Variants in MMP26 observed in about 807,000 individuals in gnomAD.
MMP26 encodes the protein matrix metallopeptidase 26, also known as matrix metalloproteinase-26.
Under a neutral mutation model 31.0 loss-of-function variants are expected in MMP26, and 33 were observed. The observed-to-expected ratio is 1.06, with a 90% CI of 0.81 to 1.42. The LOEUF is 1.42. Among genes scored for constraint, MMP26 ranks in the 40% most tolerant of loss-of-function variants. MMP26 has a pLI of 0.00. For synonymous variants in MMP26, 122 were observed against 114.9 expected, an observed-to-expected ratio of 1.06 and a Z score of -0.40; for missense variants, 347 against 316.1, an observed-to-expected ratio of 1.10 and a Z score of -0.74.
intron 2 of MMP26, chr11:4,768,840 A>G (rs1030727): frequency 0.13 from 63,860 of 488,006 alleles, 6,673 homozygotes; most frequent in African/African-American, 0.39. Context: ...ATGACCAAAT[A>G]TACAACATAT....
intron 2 of MMP26, among the ~76,000 whole-genome samples, chr11:4,952,034 T>TA (rs1192343233): frequency 8.0e-6 from 1 of 124,662 alleles, no homozygotes; most frequent in Admixed American, 9.0e-5. Flanking sequence ...TGTCTGCTGT[T>TA]ATGATATTTT....
At chr11:4,808,000 C>G (rs537469122) in intron 2 of MMP26, among the ~76,000 whole-genome samples, 4 of 152,128 alleles carry the variant, frequency 2.6e-5, no homozygotes, top group African/African-American at 9.6e-5. Flanking sequence ...GAGACAGGGT[C>G]TCACTATGTT....
At chr11:4,948,465 T>G (rs1306249682) in intron 2 of MMP26, among the ~76,000 whole-genome samples, 1 of 124,102 alleles carries the variant, frequency 8.1e-6, no homozygotes, top group Non-Finnish European at 1.8e-5. Flanking sequence ...TACTGATAAT[T>G]AAGTATATAG....
At chr11:4,737,823 A>G (rs1848262091) in intron 1 of MMP26, among the ~76,000 whole-genome samples, 1 of 152,218 alleles carries the variant, frequency 6.6e-6, no homozygotes, top group East Asian at 1.9e-4. Context: ...TTCATTTTTA[A>G]AAGTAAAATT....
intron 2 of MMP26, among the ~76,000 whole-genome samples, chr11:4,922,040 C>T (rs549926019): frequency 7.9e-4 from 120 of 152,232 alleles, no homozygotes; most frequent in African/African-American, 2.7e-3. Context: ...TTTATTATTT[C>T]GAACACTATG....
At chr11:4,800,774 T>C (rs1443462762) in intron 2 of MMP26, among the ~76,000 whole-genome samples, 1 of 151,690 alleles carries the variant, frequency 6.6e-6, no homozygotes, top group Non-Finnish European at 1.5e-5. Flanking sequence ...CTATATCTGA[T>C]TGTAGCCTGT....
chr11:4,982,410 T>C (rs1245891128), intron 2 of MMP26, among the ~76,000 whole-genome samples: 2 of 152,158 alleles, frequency 1.3e-5, no homozygotes, highest in East Asian at 1.9e-4. Context: ...TGGTCCATTA[T>C]TGAATAACAC....
chr11:4,832,672 CT>C, intron 2 of MMP26: 1 of 194,346 alleles, frequency 5.1e-6, no homozygotes, highest in Non-Finnish European at 1.1e-5. Context: ...CTCCTACTGC[CT>C]TCACCAGGAT....
intron 2 of MMP26, chr11:4,914,989 C>A (rs1184552152): frequency 1.9e-6 from 3 of 1,613,966 alleles, no homozygotes; most frequent in Non-Finnish European, 2.5e-6. Context: ...TGCGCAGGAT[C>A]AGAGCATAAG....
At chr11:4,869,415 A>G (rs1850281695) in intron 2 of MMP26, among the ~76,000 whole-genome samples, 1 of 152,228 alleles carries the variant, frequency 6.6e-6, no homozygotes, top group South Asian at 2.1e-4. Context: ...AAGGATATGA[A>G]CAGACACTTC....
chr11:4,736,704 C>T (rs905865803), intron 1 of MMP26: 1 of 152,180 alleles, frequency 6.6e-6, no homozygotes, highest in African/African-American at 2.4e-5. Context: ...TGGTAGTATA[C>T]CTCGGGGGGT....
intron 2 of MMP26, among the ~76,000 whole-genome samples, chr11:4,939,723 C>T (rs528425111): frequency 6.6e-6 from 1 of 152,204 alleles, no homozygotes; most frequent in Admixed American, 6.5e-5. Context: ...TTTCCTTCTT[C>T]ACAACCTCTC....
At chr11:4,769,842 GGGC>G in intron 2 of MMP26, 1 of 1,612,590 alleles carries the variant, frequency 6.2e-7, no homozygotes, top group East Asian at 2.2e-5. Flanking sequence ...ATCCAGACAT[GGGC>G]AGACTCTAGG....
chr11:4,990,887 C>G lies in MMP26; in HGVS notation c.469+141C>G, dbSNP rs534385682. The G allele has an allele frequency of 1.9e-3, 1,497 of 781,002 alleles. 4 individuals are homozygous for G. Among genetic ancestry groups the G allele is most frequent in the Non-Finnish European group, 2.8e-3 (1,402 of 508,636 alleles). 48.4% of individuals were successfully genotyped at this position (781,002 alleles called of 1,614,324 possible). ...GACAAAACCCTACTGCAAAGCAAAT[C>G]CTGTAATAGGGAAGACATTTTTAGT... is the stretch of plus-strand genomic sequence containing the variant. On this transcript the variant is annotated intron_variant, in intron 5 of 7. Transcript: ENST00000380390.
chr11:4,877,365 G>C (rs1408496379), intron 2 of MMP26: 2 of 152,250 alleles, frequency 1.3e-5, no homozygotes, highest in Non-Finnish European at 2.9e-5. Context: ...GGAAGCATTT[G>C]TCACCACTAA....
At position 4,989,762 on chromosome 11, in the gene MMP26, C is replaced by T; in HGVS notation, c.214C>T (p.Gln72Ter). 1.2e-6 allele frequency: 2 copies of T among 1,613,956 alleles called. No homozygotes were observed. The highest frequency in any genetic ancestry group is 1.1e-5 in the South Asian group (1 of 91,068). Residue 72 changes from glutamine (Q) to a stop codon, truncating the protein, a stop_gained, in exon 4 of 8, where the codon CAG becomes TAG. Coordinates refer to ENST00000380390, the MANE Select transcript of MMP26 (RefSeq NM_021801.5). LOFTEE classifies it high-confidence loss of function. ...HRNGTDLLDMQMHALLHQPHC... is the reference protein window; with the variant it reads ...HRNGTDLLDM ...GAATGGGACAGACCTACTTGACATG[C>T]AGATGCATGCTCTGCTACACCAGCC...
At chr11:4,880,265 T>G (rs1850440593) in intron 2 of MMP26, among the ~76,000 whole-genome samples, 1 of 152,090 alleles carries the variant, frequency 6.6e-6, no homozygotes. Context: ...AAGTTGGTGG[T>G]GTTTCCTGCT....
chr11:4,848,479 C>A, intron 2 of MMP26: 1 of 1,613,444 alleles, frequency 6.2e-7, no homozygotes. Flanking sequence ...GTTTGACCAG[C>A]CTTCCAGCGA....
intron 2 of MMP26, among the ~76,000 whole-genome samples, chr11:4,969,865 G>A (rs989961799): frequency 2.8e-4 from 43 of 152,114 alleles, no homozygotes; most frequent in East Asian, 3.9e-4. Flanking sequence ...CCAAAGATAC[G>A]CCTATGTCAA....
Sources: allele counts gnomAD v4.1 joint callset (sites outside exome capture counted in the v4.1 genomes callset), GRCh38; gene constraint gnomAD v4.1.1; transcripts MANE v1.5; gene names NCBI Gene and HGNC (gene_info 2026-07-23, HGNC 2026-07-21).